Variants in CCDC68 observed in about 807,000 individuals in gnomAD.
CCDC68 encodes coiled-coil domain containing 68, also known as coiled-coil domain-containing protein 68.
A neutral mutation model predicts 47.1 loss-of-function variants in CCDC68; 45 were observed. The ratio of observed to expected loss-of-function variants is 0.96; its 90% CI spans 0.75 to 1.23. The LOEUF (loss-of-function observed/expected upper bound fraction) is 1.23, where lower values mean the gene tolerates loss of function less well. Among genes scored for constraint, CCDC68 ranks in the 50% most tolerant of loss-of-function variants. CCDC68 has a pLI of 0.00. For synonymous variants in CCDC68, 131 were observed against 129.5 expected, an observed-to-expected ratio of 1.01 and a Z score of -0.08; for missense variants, 353 against 373.6, an observed-to-expected ratio of 0.94 and a Z score of 0.45.
chr18:54,953,178 T>C (rs1363838462), intron 1 of CCDC68, among the ~76,000 whole-genome samples: 1 of 152,166 alleles, frequency 6.6e-6, no homozygotes, highest in Non-Finnish European at 1.5e-5. Context: ...TAGTGGTTAC[T>C]TGGGACTGGC....
intron 1 of CCDC68, among the ~76,000 whole-genome samples, chr18:54,952,865 TAGCC>T: frequency 6.6e-6 from 1 of 152,128 alleles, no homozygotes; most frequent in African/African-American, 2.4e-5. Flanking sequence ...ATACAAAAAT[TAGCC>T]AGTTGTGGCG....
At chr18:54,952,001 A>G (rs962219382) in intron 1 of CCDC68, among the ~76,000 whole-genome samples, 1 of 152,228 alleles carries the variant, frequency 6.6e-6, no homozygotes, top group African/African-American at 2.4e-5. Context: ...TGCTTAATGG[A>G]GCATCTGACT....
intron 1 of CCDC68, among the ~76,000 whole-genome samples, chr18:54,946,657 T>C (rs979119518): frequency 3.3e-5 from 5 of 152,334 alleles, no homozygotes; most frequent in Non-Finnish European, 7.4e-5. Context: ...TACTCTCTTA[T>C]GTACCTTTTA....
In CCDC68 at chr18:54,934,820, C is replaced by A; in HGVS notation, c.600G>T (p.Lys200Asn). The A allele has an allele frequency of 6.6e-7, 1 of 1,520,230 alleles. No homozygotes were observed. Among genetic ancestry groups the A allele is most frequent in the Non-Finnish European group, 8.8e-7 (1 of 1,136,342 alleles). The allele number at this position is 1,520,230 out of a possible 1,614,324, so 94.2% of individuals were successfully genotyped here. The stretch of plus-strand genomic sequence containing the variant: ...ATCCTCTAATTCTCCAGGGGCGTAC[C>A]TTTTCCATTCTCTGTACAAGGTTCT... ...ELENLVQRMEKEKRTLLERKL... is the reference protein window; with the variant it reads ...ELENLVQRMENEKRTLLERKL... Residue 200 changes from lysine to asparagine, a missense_variant and splice_region_variant, in exon 7 of 12, where the codon AAG (lysine) becomes AAT (asparagine). Lys to Asn is a moderately conservative substitution (Grantham distance 94). Transcript: ENST00000591504.
intron 10 of CCDC68, among the ~76,000 whole-genome samples, chr18:54,913,147 G>A (rs1914465770): frequency 6.6e-6 from 1 of 152,212 alleles, no homozygotes; most frequent in Admixed American, 6.5e-5. Context: ...TAAACAGGCT[G>A]CTTAACTTCT....
At chr18:54,916,986 C>T (rs911136622) in intron 10 of CCDC68, among the ~76,000 whole-genome samples, 1 of 152,154 alleles carries the variant, frequency 6.6e-6, no homozygotes, top group Non-Finnish European at 1.5e-5. Context: ...TTCCACCTTC[C>T]GCCATGCCAT....
At chr18:54,923,213 T>C (rs1333752060) in intron 8 of CCDC68, among the ~76,000 whole-genome samples, 1 of 152,102 alleles carries the variant, frequency 6.6e-6, no homozygotes, top group Non-Finnish European at 1.5e-5. Context: ...AAGCTGGCTT[T>C]GAATATGCAC....
At chr18:54,904,670 C>A (rs541397968) in intron 11 of CCDC68, among the ~76,000 whole-genome samples, 1 of 152,080 alleles carries the variant, frequency 6.6e-6, no homozygotes, top group Non-Finnish European at 1.5e-5. Flanking sequence ...TGAGGGAAGC[C>A]GGAGAGAGGA....
chr18:54,913,813 T>TA, intron 10 of CCDC68, among the ~76,000 whole-genome samples: 1 of 152,062 alleles, frequency 6.6e-6, no homozygotes, highest in African/African-American at 2.4e-5. Flanking sequence ...ACCCTGTCCC[T>TA]AAAAAACAAA....
chr18:54,934,870 T>A lies in CCDC68; in HGVS notation c.550A>T (p.Lys184Ter). The A allele has an allele frequency of 1.2e-6, 2 of 1,604,244 alleles. No homozygotes were observed. Among genetic ancestry groups the A allele is most frequent in the Non-Finnish European group, 1.7e-6 (2 of 1,175,800 alleles). ...LNQVAEKLEE[K>*]HSQITELENL... Reference sequence around the variant, plus strand: ...TCCAATTCTGTAATTTGACTGTGTTTTTCTTCAAGTTTTTCAGCAACTTGA... The same window carrying A: ...TCCAATTCTGTAATTTGACTGTGTTATTCTTCAAGTTTTTCAGCAACTTGA... Residue 184 changes from lysine to a stop codon, truncating the protein, a stop_gained, in exon 7 of 12, where the codon AAA (lysine) becomes TAA (stop). Transcript: ENST00000591504. LOFTEE classifies it high-confidence loss of function.
In CCDC68 at chr18:54,919,386, C is replaced by T. The variant is rs4581789; in HGVS notation, c.684-10G>A. 4.4e-4 allele frequency: 703 copies of T among 1,597,270 alleles called. 7 individuals are homozygous for T. In the South Asian group the frequency reaches 7.3e-3, roughly 17 times the overall value. On this transcript the variant is annotated splice_polypyrimidine_tract_variant and intron_variant, in intron 8 of 11. Coordinates refer to ENST00000591504, the MANE Select transcript of CCDC68 (RefSeq NM_025214.3). ...CTGAAGATCCTGGCAACTGGGAATGCAAAGGGAAAAAGACCAAGAGAAAAT... is the reference window on the plus strand; with the variant it reads ...CTGAAGATCCTGGCAACTGGGAATGTAAAGGGAAAAAGACCAAGAGAAAAT...
At chr18:54,925,173 T>A (rs2145464536) in intron 8 of CCDC68, among the ~76,000 whole-genome samples, 1 of 152,326 alleles carries the variant, frequency 6.6e-6, no homozygotes, top group East Asian at 1.9e-4. Flanking sequence ...AATTTGAAAC[T>A]GAGTCAGTGA....
intron 3 of CCDC68, among the ~76,000 whole-genome samples, chr18:54,941,500 TAA>T (rs1241586391): frequency 1.0e-3 from 152 of 152,026 alleles, no homozygotes; most frequent in African/African-American, 3.6e-3. Context: ...TACTACAAAA[TAA>T]TTACTATTAA....
chr18:54,904,191 G>C lies in CCDC68; in HGVS notation c.*167C>G. 1 of 560,502 alleles carries C rather than the reference G, an allele frequency of 1.8e-6. No homozygotes were observed. Among genetic ancestry groups the C allele is most frequent in the Non-Finnish European group, 3.2e-6 (1 of 313,190 alleles). The allele number at this position is 560,502 out of a possible 1,614,324, so 34.7% of individuals were successfully genotyped here. On this transcript the variant is annotated 3_prime_UTR_variant, in exon 12 of 12. Coordinates refer to ENST00000591504, the MANE Select transcript of CCDC68 (RefSeq NM_025214.3). ...TTGAAGAGTCCATCCATTAAATATA[G>C]ATTTGTTTGATTTTCTGAAATGTCA...
At chr18:54,915,754 C>T (rs1378399264) in intron 10 of CCDC68, among the ~76,000 whole-genome samples, 1 of 152,002 alleles carries the variant, frequency 6.6e-6, no homozygotes, top group Non-Finnish European at 1.5e-5. Context: ...CATGGTGAAA[C>T]CCCGTCTCTA....
chr18:54,947,498 G>A (rs1343724393), intron 1 of CCDC68, among the ~76,000 whole-genome samples: 1 of 152,164 alleles, frequency 6.6e-6, no homozygotes, highest in Non-Finnish European at 1.5e-5. Context: ...GCTCCATTCT[G>A]CCACTCCATA....
chr18:54,943,364 C>T lies in CCDC68; in HGVS notation c.-12-561G>A, dbSNP rs142501296. Among the ~76,000 whole-genome samples the T allele has an allele frequency of 7.9e-4, 120 of 151,698 alleles. 1 individual carries two copies. The highest frequency in any genetic ancestry group is 1.4e-3 in the African/African-American group (56 of 41,368). On this transcript the variant is annotated intron_variant, in intron 2 of 11. Coordinates refer to ENST00000591504, the MANE Select transcript of CCDC68 (RefSeq NM_025214.3). Reference sequence around the variant, plus strand: ...TATTATCTCATGAAAAAGCATAGAGCGGAAAATAATATATAATATCACATT... The same window carrying T: ...TATTATCTCATGAAAAAGCATAGAGTGGAAAATAATATATAATATCACATT...
At chr18:54,928,955 T>G in intron 7 of CCDC68, 73 bp from the exon 8 acceptor site, 1 of 799,718 alleles carries the variant, frequency 1.3e-6, no homozygotes, top group African/African-American at 1.7e-5. Context: ...CTTGTCATAC[T>G]ATAACTATGG....
intron 2 of CCDC68, among the ~76,000 whole-genome samples, chr18:54,944,048 G>C (rs1480647274): frequency 6.6e-6 from 1 of 152,070 alleles, no homozygotes; most frequent in African/African-American, 2.4e-5. Context: ...AGCTACTCGG[G>C]AGGCTGAAGC....
Sources: gnomAD v4.1 joint callset for allele counts (sites outside exome capture counted in the v4.1 genomes callset) on GRCh38, gnomAD v4.1.1 for gene constraint, MANE v1.5 for transcripts, NCBI Gene and HGNC (gene_info 2026-07-23, HGNC 2026-07-21) for gene names.